The following ADGRB3 variants were observed in gnomAD, a reference collection of about 807,000 sequenced individuals.
ADGRB3 encodes the protein brain-specific angiogenesis inhibitor 3.
In ADGRB3, 37 loss-of-function variants were observed where a neutral mutation model predicts 193.4. The observed-to-expected ratio is 0.19, with a 90% CI of 0.15 to 0.25. ADGRB3 has a LOEUF of 0.25. ADGRB3 is among the 10% of genes least tolerant of loss of function. The pLI is 1.00. For missense variants in ADGRB3, 1,637 were observed against 1,852.9 expected, an observed-to-expected ratio of 0.88 and a Z score of 2.14; for synonymous variants, 690 against 644.2, an observed-to-expected ratio of 1.07 and a Z score of -1.08.
intron 3 of ADGRB3, among the ~76,000 whole-genome samples, chr6:68,673,483 A>T (rs1448397207): frequency 6.6e-6 from 1 of 152,132 alleles, no homozygotes; most frequent in Non-Finnish European, 1.5e-5. Flanking sequence ...TTATCTTGCT[A>T]CCTGCTGTTT....
intron 26 of ADGRB3, among the ~76,000 whole-genome samples, chr6:69,348,197 A>G (rs1388494667): frequency 6.6e-6 from 1 of 152,196 alleles, no homozygotes; most frequent in Admixed American, 6.5e-5. Flanking sequence ...AAAAGCTCAG[A>G]CAGAGAGTTT....
chr6:68,879,373 C>T (rs988867877), intron 3 of ADGRB3, among the ~76,000 whole-genome samples: 20 of 151,758 alleles, frequency 1.3e-4, no homozygotes, highest in Admixed American at 1.1e-3. Context: ...CCCACCACCA[C>T]GCCTGGCTAA....
intron 17 of ADGRB3, among the ~76,000 whole-genome samples, chr6:69,102,433 T>C (rs747276699): frequency 1.1e-4 from 16 of 152,252 alleles, no homozygotes; most frequent in Non-Finnish European, 2.2e-4. Flanking sequence ...GTTTTTAATG[T>C]ACATCTAAAA....
At chr6:69,048,419 T>A in intron 14 of ADGRB3, 85 bp downstream of exon 14, 1 of 1,312,644 alleles carries the variant, frequency 7.6e-7, no homozygotes, top group South Asian at 1.4e-5. Context: ...TCTTCATACA[T>A]TAAACAGTTT....
chr6:68,942,450 G>C (rs1767669849), intron 5 of ADGRB3, among the ~76,000 whole-genome samples: 1 of 152,122 alleles, frequency 6.6e-6, no homozygotes, highest in Non-Finnish European at 1.5e-5. Context: ...AGCAAGACTA[G>C]AGGTCCAACA....
chr6:68,656,805 C>T (rs1582102086), intron 3 of ADGRB3, among the ~76,000 whole-genome samples: 2 of 151,604 alleles, frequency 1.3e-5, no homozygotes, highest in South Asian at 2.1e-4. Context: ...CTAGTATGAC[C>T]TTTGGCAGTT....
At chr6:69,330,280 C>G (rs1024100545) in intron 22 of ADGRB3, among the ~76,000 whole-genome samples, 1 of 152,098 alleles carries the variant, frequency 6.6e-6, no homozygotes, top group African/African-American at 2.4e-5. Flanking sequence ...AAAGTAAAAC[C>G]TTGTAATAAA....
At chr6:68,797,622 A>G (rs1287278599) in intron 3 of ADGRB3, among the ~76,000 whole-genome samples, 1 of 152,116 alleles carries the variant, frequency 6.6e-6, no homozygotes. Context: ...GCTCCTATTT[A>G]AGGAGCTAAA....
chr6:69,209,905 A>G lies in ADGRB3; in HGVS notation c.2481-23385A>G, dbSNP rs1163034137. ...CTCTAAACAGTTCATGCCAAGGACT[A>G]TCAGTGTTCTCCATACTATTAGAAG... On this transcript the variant is annotated intron_variant, in intron 17 of 31. Coordinates refer to ENST00000370598, the MANE Select transcript of ADGRB3 (RefSeq NM_001704.3). 3.3e-5 allele frequency among the ~76,000 whole-genome samples: 5 copies of G among 151,864 alleles called. 1 individual carries two copies. Among genetic ancestry groups the G allele is most frequent in the Non-Finnish European group, 4.4e-5 (3 of 67,986 alleles).
At chr6:68,900,021 A>G (rs1248140893) in intron 3 of ADGRB3, among the ~76,000 whole-genome samples, 2 of 152,124 alleles carry the variant, frequency 1.3e-5, no homozygotes, top group Admixed American at 1.3e-4. Context: ...AGGGTAATCA[A>G]TAAATTTTTT....
At chr6:68,767,493 C>A (rs1766531829) in intron 3 of ADGRB3, among the ~76,000 whole-genome samples, 1 of 152,154 alleles carries the variant, frequency 6.6e-6, no homozygotes, top group South Asian at 2.1e-4. Flanking sequence ...TTCAACACCC[C>A]TTCATGCTAA....
intron 3 of ADGRB3, among the ~76,000 whole-genome samples, chr6:68,749,518 T>C (rs1470188448): frequency 6.6e-6 from 1 of 151,886 alleles, no homozygotes; most frequent in Non-Finnish European, 1.5e-5. Flanking sequence ...GTATTGCATG[T>C]AAATTTGTCC....
rs1766398403 is a variant in ADGRB3, at chr6:69,242,187, G to A, written c.2814+2961G>A. ...TCAAAAAAATAGAAAAGTACAAAGT[G>A]TGTTGTCTGTATAAACTTATGATGT... On this transcript the variant is annotated intron_variant, in intron 20 of 31. Transcript: ENST00000370598. Among the ~76,000 whole-genome samples, 6 of 151,988 alleles carry A rather than the reference G, an allele frequency of 3.9e-5. No individual in the cohort carries two copies. The South Asian group carries it at 1.2e-3, about 31-fold the overall frequency.
intron 3 of ADGRB3, among the ~76,000 whole-genome samples, chr6:68,889,724 G>A (rs897472824): frequency 2.0e-4 from 30 of 151,714 alleles, no homozygotes; most frequent in African/African-American, 4.1e-4. Flanking sequence ...GGATATTCTC[G>A]ATCTCCTGAC....
intron 3 of ADGRB3, among the ~76,000 whole-genome samples, chr6:68,762,127 A>G (rs1766404057): frequency 6.6e-6 from 1 of 152,158 alleles, no homozygotes; most frequent in Non-Finnish European, 1.5e-5. Context: ...AAGGTATTTT[A>G]TAGTTTTAAT....
At chr6:69,137,075 TTAA>T (rs370133960) in intron 17 of ADGRB3, among the ~76,000 whole-genome samples, 6 of 119,512 alleles carry the variant, frequency 5.0e-5, no homozygotes, top group Admixed American at 2.7e-4. Context: ...TTTTTTTTTT[TTAA>T]TGGTAAGATC....
chr6:69,107,453 A>G (rs55768432), intron 17 of ADGRB3, among the ~76,000 whole-genome samples: 20,855 of 152,212 alleles, frequency 0.14, 1,553 homozygotes, highest in Middle Eastern at 0.31. Context: ...TGCTAGGAGT[A>G]AAAGAGTTTT....
chr6:68,647,837 C>G (rs1182350534), intron 3 of ADGRB3, among the ~76,000 whole-genome samples: 1 of 152,064 alleles, frequency 6.6e-6, no homozygotes, highest in Non-Finnish European at 1.5e-5. Flanking sequence ...CATATTTAAA[C>G]ACTTGGAAAA....
rs547207322 is a variant in ADGRB3, at chr6:68,870,537, A to G, written c.758-60022A>G. On this transcript the variant is annotated intron_variant, in intron 3 of 31. Coordinates refer to ENST00000370598, the MANE Select transcript of ADGRB3 (RefSeq NM_001704.3). ...TTTACTACCCTCATAGCATCCAAAG[A>G]CATTTGAGCTTTTGACCCTTGAGTT... 3.9e-5 allele frequency among the ~76,000 whole-genome samples: 6 copies of G among 152,296 alleles called. No homozygotes were observed. The East Asian group carries it at 1.2e-3, about 29-fold the overall frequency.
Sources: allele counts gnomAD v4.1 joint callset (sites outside exome capture counted in the v4.1 genomes callset), GRCh38; gene constraint gnomAD v4.1.1; transcripts MANE v1.5; gene names NCBI Gene and HGNC (gene_info 2026-07-23, HGNC 2026-07-21).